The following PADI3 variants were observed in gnomAD, a reference collection of about 807,000 sequenced individuals.
PADI3 encodes peptidyl arginine deiminase 3, also known as protein-arginine deiminase type-3.
PADI3 carries 53 observed loss-of-function variants against 71.5 expected under a neutral mutation model. The ratio of observed to expected loss-of-function variants is 0.74; its 90% CI spans 0.59 to 0.93. The LOEUF is 0.93. Ranked by LOEUF, PADI3 falls within the 40% of genes least tolerant of loss-of-function variation. PADI3 has a pLI of 0.00. For synonymous variants in PADI3, 361 were observed against 347.5 expected (o/e 1.04, Z -0.43); for missense variants, 821 against 868.0 (o/e 0.95, Z 0.68).
At chr1:17,251,138 A>G (rs1286542410) in intron 1 of PADI3, among the ~76,000 whole-genome samples, 2 of 152,200 alleles carry the variant, frequency 1.3e-5, no homozygotes, top group Admixed American at 1.3e-4. Context: ...GCCTTGAAGG[A>G]TGAGCACAGG....
At chr1:17,258,556 C>T (rs1289650024) in intron 1 of PADI3, among the ~76,000 whole-genome samples, 5 of 152,252 alleles carry the variant, frequency 3.3e-5, no homozygotes, top group African/African-American at 1.2e-4. Context: ...CCAAGTTTCC[C>T]GGGTGACACT....
chr1:17,259,109 G>A (rs1039055529), intron 1 of PADI3, among the ~76,000 whole-genome samples: 4 of 152,168 alleles, frequency 2.6e-5, no homozygotes, highest in Admixed American at 1.3e-4. Context: ...TTGCTCTGTC[G>A]CCCAGGCTGG....
chr1:17,271,211 G>C, intron 9 of PADI3, 33 bp downstream of exon 9: 1 of 1,581,470 alleles, frequency 6.3e-7, no homozygotes, highest in South Asian at 1.1e-5. Flanking sequence ...GCCCAGCAAG[G>C]ACGCCATCCT....
At chr1:17,273,236 A>T in intron 9 of PADI3, 104 bp from the exon 10 acceptor site, 1 of 805,640 alleles carries the variant, frequency 1.2e-6, no homozygotes, top group Non-Finnish European at 2.0e-6. Flanking sequence ...TGCTTGGGCC[A>T]GGGGACTTGG....
At chr1:17,270,818 G>A in intron 7 of PADI3, 61 bp from the exon 8 acceptor site, 1 of 1,120,894 alleles carries the variant, frequency 8.9e-7, no homozygotes, top group South Asian at 1.3e-5. Flanking sequence ...TGGAATCAGA[G>A]TCCCCCCAGG....
intron 2 of PADI3, among the ~76,000 whole-genome samples, chr1:17,261,057 G>A (rs2073096902): frequency 1.3e-5 from 2 of 152,186 alleles, no homozygotes; most frequent in South Asian, 4.1e-4. Flanking sequence ...TTGACACATG[G>A]AGGTCAGTAA....
At chr1:17,259,982 T>A (rs1170884180) in intron 2 of PADI3, among the ~76,000 whole-genome samples, 1 of 152,150 alleles carries the variant, frequency 6.6e-6, no homozygotes, top group Non-Finnish European at 1.5e-5. Flanking sequence ...CTGTCTGCCA[T>A]CTGTAAAATG....
At chr1:17,271,014 GC>G in intron 8 of PADI3, 32 bp downstream of exon 8, 3 of 1,611,304 alleles carry the variant, frequency 1.9e-6, no homozygotes, top group Non-Finnish European at 2.5e-6. Context: ...GGTCCCTCTG[GC>G]CCCCAGGCCC....
chr1:17,273,233 G>T, intron 9 of PADI3, 107 bp from the exon 10 acceptor site: 1 of 787,496 alleles, frequency 1.3e-6, no homozygotes, highest in South Asian at 1.7e-5. Context: ...ACATGCTTGG[G>T]CCAGGGGACT....
chr1:17,255,544 G>T (rs914188623), intron 1 of PADI3, among the ~76,000 whole-genome samples: 2 of 152,198 alleles, frequency 1.3e-5, no homozygotes, highest in Non-Finnish European at 2.9e-5. Context: ...TCCAGGTGAG[G>T]CTCCAGGTAC....
chr1:17,264,230 A>G (rs986306696), intron 3 of PADI3, among the ~76,000 whole-genome samples: 11 of 152,106 alleles, frequency 7.2e-5, no homozygotes, highest in African/African-American at 2.7e-4. Context: ...GGCATTCCCC[A>G]TCTGCAGCCC....
In PADI3 at chr1:17,276,676, T is replaced by C. The variant is rs2073336582; in HGVS notation, c.1452+13T>C. The C allele has an allele frequency of 6.2e-7, 1 of 1,613,970 alleles. No homozygotes were observed. The highest frequency in any genetic ancestry group is 2.2e-5 in the East Asian group (1 of 44,882). ...CCCCGATGGGAAGGTAAGAACTTCG[T>C]GCATGACGTGTCTTTCCCTGGCATC... On this transcript the variant is annotated intron_variant, in intron 12 of 15. Transcript: ENST00000375460.
At chr1:17,261,535 C>T (rs996774938) in intron 2 of PADI3, among the ~76,000 whole-genome samples, 1 of 152,240 alleles carries the variant, frequency 6.6e-6, no homozygotes, top group Non-Finnish European at 1.5e-5. Flanking sequence ...GCCCCCACCC[C>T]ACAAGATGCC....
At chr1:17,258,124 T>C (rs2073050871) in intron 1 of PADI3, among the ~76,000 whole-genome samples, 1 of 152,174 alleles carries the variant, frequency 6.6e-6, no homozygotes, top group South Asian at 2.1e-4. Flanking sequence ...CTTCTAGGGT[T>C]ATTGAGAGGA....
At chr1:17,275,554 G>T (rs1447195359) in intron 11 of PADI3, among the ~76,000 whole-genome samples, 1 of 150,900 alleles carries the variant, frequency 6.6e-6, no homozygotes, top group Non-Finnish European at 1.5e-5. Flanking sequence ...ACTAATATAA[G>T]ATCTTTTCCT....
chr1:17,282,914 C>T lies in PADI3; in HGVS notation c.1830C>T (p.Cys610=). The T allele has an allele frequency of 6.2e-7, 1 of 1,614,142 alleles. No homozygotes were observed. Among genetic ancestry groups the T allele is most frequent in the Non-Finnish European group, 8.5e-7 (1 of 1,180,016 alleles). Residue 610 remains cysteine, a synonymous_variant, in exon 16 of 16, where the codon TGC becomes TGT. Transcript: ENST00000375460. ...PKPFGPIING[C]CCLEEKVRSL... is the part of the protein sequence containing the mutation. ...CCTTTGGGCCCATCATCAATGGCTG[C>T]TGCTGCCTGGAGGAGAAGGTGCGGT...
chr1:17,251,778 C>T (rs560913424), intron 1 of PADI3, among the ~76,000 whole-genome samples: 1 of 152,302 alleles, frequency 6.6e-6, no homozygotes, highest in Non-Finnish European at 1.5e-5. Context: ...TGTTAACTGT[C>T]ACCATTATCA....
At chr1:17,262,090 T>C (rs1043064097) in intron 2 of PADI3, 43 bp from the exon 3 acceptor site, 3 of 1,573,816 alleles carry the variant, frequency 1.9e-6, no homozygotes. Context: ...GGGCGGGAGC[T>C]CTTGGCTTCT....
intron 14 of PADI3, 46 bp downstream of exon 14, chr1:17,280,475 CG>C: frequency 6.4e-7 from 1 of 1,553,370 alleles, no homozygotes; most frequent in Non-Finnish European, 8.9e-7. Flanking sequence ...TGGGAGTAGG[CG>C]GGGCTGGAGG....
Sources: allele counts gnomAD v4.1 joint callset (sites outside exome capture counted in the v4.1 genomes callset), GRCh38; gene constraint gnomAD v4.1.1; transcripts MANE v1.5; gene names NCBI Gene and HGNC (gene_info 2026-07-23, HGNC 2026-07-21).